The following MSH5 variants were observed in gnomAD, a reference collection of about 807,000 sequenced individuals.
The protein encoded by MSH5 is mutS homolog 5.
MSH5 carries 78 observed loss-of-function variants against 107.7 expected under a neutral mutation model. The ratio of observed to expected loss-of-function variants is 0.72; its 90% confidence interval spans 0.60 to 0.87. MSH5 has a LOEUF of 0.87. Ranked by LOEUF, MSH5 falls within the 40% of genes least tolerant of loss-of-function variation. MSH5 has a pLI of 0.00. For synonymous variants in MSH5, 326 were observed against 399.5 expected (o/e 0.82, Z 2.19); for missense variants, 889 against 1,046.6 (o/e 0.85, Z 2.08).
chr6:31,758,522 C>G lies in MSH5; in HGVS notation c.1144-26C>G. The G allele has an allele frequency of 6.2e-7, 1 of 1,612,752 alleles. No individual in the cohort carries two copies. Among genetic ancestry groups the G allele is most frequent in the East Asian group, 2.2e-5 (1 of 44,886 alleles). ...GGAACAGGACAGAGGGTGCCAGGTC[C>G]TAAGAAACAGTACTTATCTCCTCAG... On this transcript the variant is annotated intron_variant, in intron 13 of 24. Transcript: ENST00000375750. This position sits in a 1 kb window ranked among gnomAD's most constrained non-coding sequence, Gnocchi z 5.1.
chr6:31,745,051 C>T (rs562490546), intron 8 of MSH5, among the ~76,000 whole-genome samples, 186 bp from the exon 9 acceptor site: 2 of 139,328 alleles, frequency 1.4e-5, no homozygotes, highest in Admixed American at 1.6e-4. Flanking sequence ...TTGCAGTGAG[C>T]TGAAATTGCA....
At chr6:31,748,300 CA>C (rs1321077962) in intron 10 of MSH5, among the ~76,000 whole-genome samples, 2 of 146,220 alleles carry the variant, frequency 1.4e-5, no homozygotes, top group Non-Finnish European at 3.0e-5. Context: ...ATGCTAGAAA[CA>C]AAAAACCTGT....
intron 8 of MSH5, 135 bp downstream of exon 8, chr6:31,744,716 G>A: frequency 1.0e-6 from 1 of 975,520 alleles, no homozygotes; most frequent in Non-Finnish European, 1.6e-6. Flanking sequence ...GAAAGGGAAG[G>A]GGGGTTTTGA....
chr6:31,758,792 A>G lies in MSH5; in HGVS notation c.1243A>G (p.Ser415Gly), dbSNP rs752995567. The change falls in exon 15 of 25, where the codon AGT becomes GGT. Residue 415 changes from serine to glycine, a missense_variant. This residue lies in a region of MSH5 where 518 missense variants were observed against 565.0 expected (regional missense o/e 0.92). Coordinates refer to ENST00000375750, the MANE Select transcript of MSH5 (RefSeq NM_172166.4). This position sits in a 1 kb window ranked among gnomAD's most constrained non-coding sequence, Gnocchi z 5.1. The stretch of plus-strand genomic sequence containing the variant: ...AAAGCGAAGACTGATGGGACTTCCC[A>G]GTTTCCTTACTGAGGTTGCCCGCAA... ...EKKRRLMGLPSFLTEVARKEL... is the reference protein window; with the variant it reads ...EKKRRLMGLPGFLTEVARKEL... The G allele has an allele frequency of 1.2e-6, 2 of 1,614,210 alleles. No homozygotes were observed. The highest frequency in any genetic ancestry group is 1.7e-6 in the Non-Finnish European group (2 of 1,180,028).
At chr6:31,752,736 G>T (rs922005922) in intron 10 of MSH5, among the ~76,000 whole-genome samples, 2 of 98,040 alleles carry the variant, frequency 2.0e-5, no homozygotes, top group African/African-American at 1.6e-4. Context: ...AAAAAAAAAC[G>T]AAAGAATAAG....
In MSH5 at chr6:31,744,008, T is replaced by G. The variant is rs1246778705; in HGVS notation, c.520T>G (p.Phe174Val). 3 of 1,614,010 alleles carry G rather than the reference T, an allele frequency of 1.9e-6. No individual in the cohort carries two copies. The highest frequency in any genetic ancestry group is 2.5e-6 in the Non-Finnish European group (3 of 1,180,022). Reference protein sequence around the residue: ...KILFLSSIIPFDCLLTVRALG... With the variant: ...KILFLSSIIPVDCLLTVRALG... The stretch of plus-strand genomic sequence containing the variant: ...CCTCTTCCTCTCTTCCATTATTCCC[T>G]TTGACTGCCTCCTCACAGTGAGATT... Residue 174 changes from phenylalanine to valine, a missense_variant, in exon 6 of 25, where the codon TTT becomes GTT. Coordinates refer to ENST00000375750, the MANE Select transcript of MSH5 (RefSeq NM_172166.4).
chr6:31,752,732 A>C (rs1215747586), intron 10 of MSH5, among the ~76,000 whole-genome samples: 3 of 116,256 alleles, frequency 2.6e-5, no homozygotes, highest in South Asian at 2.5e-4. Flanking sequence ...AAAAAAAAAA[A>C]AACGAAAGAA....
rs1808724964 is a variant in MSH5, at chr6:31,740,347, A to G, written c.-13-107A>G. 2.5e-6 allele frequency: 3 copies of G among 1,211,896 alleles called. No homozygotes were observed. The highest frequency in any genetic ancestry group is 2.7e-5 in the Admixed American group (1 of 36,374). 75.1% of individuals were successfully genotyped at this position (1,211,896 alleles called of 1,614,324 possible). A position where few individuals can be genotyped will look rare whatever the true frequency, so the allele number is the denominator to read the frequency against. ...TCCACGCCCCTCAGCCCTGCCCCGCAGCCCTGTAGCAGAAGTACTTAGTGC... is the reference window on the plus strand; with the variant it reads ...TCCACGCCCCTCAGCCCTGCCCCGCGGCCCTGTAGCAGAAGTACTTAGTGC... On this transcript the variant is annotated intron_variant, in intron 1 of 24. Coordinates refer to ENST00000375750, the MANE Select transcript of MSH5 (RefSeq NM_172166.4). The surrounding 1 kb of genome is among the most constrained non-coding windows in gnomAD (Gnocchi z 4.4).
Position 31,760,716 on chromosome 6 carries a change from G to C in MSH5, c.1839G>C (p.Leu613=). 6.2e-7 allele frequency: 1 copy of C among 1,613,036 alleles called. No individual in the cohort carries two copies. The highest frequency in any genetic ancestry group is 8.5e-7 in the Non-Finnish European group (1 of 1,180,038). The change falls in exon 20 of 25, where the codon CTG becomes CTC. Residue 613 remains leucine (L), a synonymous_variant. Transcript: ENST00000375750. This position sits in a 1 kb window ranked among gnomAD's most constrained non-coding sequence, Gnocchi z 5.6. Reference sequence around the variant, plus strand: ...TAGGCTTGATCACATTCATGGCCCTGGTAGGCAGCTTTGTGCCAGCAGAGG... The same window carrying C: ...TAGGCTTGATCACATTCATGGCCCTCGTAGGCAGCTTTGTGCCAGCAGAGG... ...KQVGLITFMA[L]VGSFVPAEEA... is the part of the protein sequence containing the mutation.
chr6:31,755,089 T>A (rs1169130788), intron 12 of MSH5, among the ~76,000 whole-genome samples: 1 of 152,180 alleles, frequency 6.6e-6, no homozygotes, highest in African/African-American at 2.4e-5. Context: ...AATTATTTTT[T>A]AAAAAGAATA....
intron 3 of MSH5, 25 bp downstream of exon 3, chr6:31,741,311 C>G: frequency 6.2e-7 from 1 of 1,604,594 alleles, no homozygotes. Flanking sequence ...ATGAATTCCT[C>G]TGCTCTCTGG....
rs1340898118 is a variant in MSH5 at position 31,740,466 on chromosome 6, C to T, written c.-1C>T. 1.9e-6 allele frequency: 3 copies of T among 1,561,366 alleles called. No homozygotes were observed. The highest frequency in any genetic ancestry group is 1.9e-5 in the Admixed American group (1 of 53,150). The stretch of plus-strand genomic sequence containing the variant: ...TTTGCATCCGCAGAGCCTCCAAGCT[C>T]ATGGCCTCCTTAGGAGCGAACCCAA... On this transcript the variant is annotated 5_prime_UTR_variant, in exon 2 of 25. Coordinates refer to ENST00000375750, the MANE Select transcript of MSH5 (RefSeq NM_172166.4). This position sits in a 1 kb window ranked among gnomAD's most constrained non-coding sequence, Gnocchi z 4.4.
chr6:31,752,410 A>G (rs1304669688), intron 10 of MSH5, among the ~76,000 whole-genome samples: 1 of 150,918 alleles, frequency 6.6e-6, no homozygotes, highest in Non-Finnish European at 1.5e-5. Context: ...TATATAAAAA[A>G]TAAAATAAAA....
rs893053345 is a variant in MSH5, at chr6:31,740,836, C to T, written c.147+223C>T. On this transcript the variant is annotated intron_variant, in intron 2 of 24. Transcript: ENST00000375750. This position sits in a 1 kb window ranked among gnomAD's most constrained non-coding sequence, Gnocchi z 4.4. ...ATTAGCCGAGCGTGGTGGCACGTGC[C>T]TGTTATCCCAGCTACTGGGAAGGCT... is the stretch of plus-strand genomic sequence containing the variant. 6.6e-6 allele frequency among the ~76,000 whole-genome samples: 1 copy of T among 152,114 alleles called. No individual in the cohort carries two copies. Among genetic ancestry groups the T allele is most frequent in the African/African-American group, 2.4e-5 (1 of 41,424 alleles).
chr6:31,760,365 C>A lies in MSH5; in HGVS notation c.1812+149C>A. ...ACCATCACCCACATCCCTGTGCTTC[C>A]ACCTCACATGTTCTTATTCTCCACT... On this transcript the variant is annotated intron_variant, in intron 19 of 24. Transcript: ENST00000375750. This position sits in a 1 kb window ranked among gnomAD's most constrained non-coding sequence, Gnocchi z 5.6. 1.7e-6 allele frequency: 2 copies of A among 1,182,068 alleles called. No individual in the cohort carries two copies. The highest frequency in any genetic ancestry group is 2.5e-5 in the East Asian group (1 of 40,618). 73.2% of individuals were successfully genotyped at this position (1,182,068 alleles called of 1,614,324 possible).
Position 31,762,102 on chromosome 6 carries a change from T to G in MSH5, c.2320-10T>G, listed in dbSNP as rs752021730. On this transcript the variant is annotated splice_polypyrimidine_tract_variant and intron_variant, in intron 23 of 24. Coordinates refer to ENST00000375750, the MANE Select transcript of MSH5 (RefSeq NM_172166.4). The stretch of plus-strand genomic sequence containing the variant: ...CCCCTTACTCCTCCCACCTTCTTGC[T>G]TGTTCCTAGGTCTCAGACTTGATCC... The G allele has an allele frequency of 1.2e-6, 2 of 1,614,196 alleles. No homozygotes were observed. The highest frequency in any genetic ancestry group is 1.7e-6 in the Non-Finnish European group (2 of 1,180,022).
At chr6:31,744,788 G>A (rs202017403) in intron 8 of MSH5, among the ~76,000 whole-genome samples, 2 of 152,194 alleles carry the variant, frequency 1.3e-5, no homozygotes, top group East Asian at 3.9e-4. Flanking sequence ...AGAAACTGAG[G>A]CAAAGAAAAG....
Position 31,761,381 on chromosome 6 carries a change from A to G in MSH5, c.2038-91A>G. On this transcript the variant is annotated intron_variant, in intron 21 of 24. Coordinates refer to ENST00000375750, the MANE Select transcript of MSH5 (RefSeq NM_172166.4). This position sits in a 1 kb window ranked among gnomAD's most constrained non-coding sequence, Gnocchi z 5.3. Reference sequence around the variant, plus strand: ...ATAGGGCTGTGTGGGCAGAAAAGAAATAGAACACGAGACAGGGAAAGGCAG... The same window carrying G: ...ATAGGGCTGTGTGGGCAGAAAAGAAGTAGAACACGAGACAGGGAAAGGCAG... 1 of 1,605,298 alleles carries G rather than the reference A, an allele frequency of 6.2e-7. No individual in the cohort carries two copies. The highest frequency in any genetic ancestry group is 8.5e-7 in the Non-Finnish European group (1 of 1,174,954).
intron 12 of MSH5, chr6:31,757,862 G>A (rs1399335704): frequency 4.3e-6 from 2 of 463,594 alleles, no homozygotes; most frequent in African/African-American, 4.0e-5. Context: ...TAGAGACAGG[G>A]TTTCACCATG....
Sources: allele counts gnomAD v4.1 joint callset (sites outside exome capture counted in the v4.1 genomes callset), GRCh38; gene constraint gnomAD v4.1.1; regional missense constraint gnomAD v4.1.1; non-coding constraint Gnocchi (gnomAD v3.1); transcripts MANE v1.5; gene names NCBI Gene and HGNC (gene_info 2026-07-23, HGNC 2026-07-21).